CUL4B: variants seen among roughly 807,000 people sequenced by gnomAD.
The protein encoded by CUL4B is cullin-4B.
A neutral mutation model predicts 69.2 loss-of-function variants in CUL4B; 1 was observed. That is an observed-to-expected ratio of 0.01 (90% CI 0.01 to 0.07). The LOEUF (loss-of-function observed/expected upper bound fraction) is 0.07. CUL4B is among the 10% of genes least tolerant of loss of function. The probability of loss-of-function intolerance (pLI) is 1.00; values close to 1 mark genes in which losing one functional copy is unlikely to be tolerated. For missense variants in CUL4B, 328 were observed against 638.8 expected (o/e 0.51, Z 5.24); for synonymous variants, 237 against 223.2 (o/e 1.06, Z -0.55).
chrX:120,543,178 C>A, intron 8 of CUL4B, 145 bp from the exon 9 acceptor site: 1 of 439,965 alleles, frequency 2.3e-6, no homozygotes, highest in South Asian at 3.8e-5. Context: ...TATTGGTGCT[C>A]AGAGTTACTA....
At chrX:120,543,884 TG>T (rs1004456954) in intron 7 of CUL4B, 75 bp from the exon 8 acceptor site, 5 of 776,222 alleles carry the variant, frequency 6.4e-6, no homozygotes, top group Admixed American at 2.3e-5. Flanking sequence ...CAAAAGATCC[TG>T]GAAGTGGCCC....
chrX:120,573,967 GCGCGTGCCGTTA>G (rs1334289331), intron 2 of CUL4B, among the ~76,000 whole-genome samples: 1 of 110,724 alleles, frequency 9.0e-6, no homozygotes, highest in Non-Finnish European at 1.9e-5. Context: ...GGGATTACAG[GCGCGTGCCGTTA>G]CCACGCCCAG....
At chrX:120,571,129 GT>G (rs1295585227), downstream of CUL4B, 1 of 110,329 alleles carries the variant, frequency 9.1e-6, no homozygotes, top group Non-Finnish European at 1.9e-5. Context: ...GGGAATTTAG[GT>G]AAATTCAAAA....
chrX:120,539,918 A>C (rs1923889865), intron 11 of CUL4B, among the ~76,000 whole-genome samples: 1 of 111,791 alleles, frequency 8.9e-6, no homozygotes, highest in Admixed American at 9.5e-5. Flanking sequence ...CTCTGACACT[A>C]AGGGTACTTG....
intron 6 of CUL4B, 121 bp downstream of exon 6, chrX:120,544,360 T>C (rs920630904): frequency 1.0e-5 from 9 of 858,504 alleles, no homozygotes; most frequent in African/African-American, 8.0e-5. Flanking sequence ...TTTATGCTCA[T>C]ATATGAGATG....
Position 120,524,705 on chromosome X carries a change from G to A in CUL4B, c.*2056C>T, listed in dbSNP as rs1470674123. On this transcript the variant is annotated 3_prime_UTR_variant, in exon 20 of 20. Coordinates refer to ENST00000371322, the MANE Select transcript of CUL4B (RefSeq NM_001079872.2). The stretch of plus-strand genomic sequence containing the variant: ...ATTCAACTGATACAGAACAACAACT[G>A]AAAGTCACAATTATCCAATGTAGTT... The A allele has an allele frequency of 1.3e-4, 14 of 111,549 alleles. No individual in the cohort carries two copies. Among genetic ancestry groups the A allele is most frequent in the Non-Finnish European group, 2.1e-4 (11 of 52,988 alleles). The allele number at this position is 111,549 out of a possible 1,213,427, so 9.2% of individuals were successfully genotyped here.
At position 120,535,769 on chromosome X, in the gene CUL4B, A is replaced by G. The variant is rs909015099; in HGVS notation, c.2160+61T>C. ...CAATAGCCTAAACTTTCAGTTAAGA[A>G]GGATGACCTAAACATTAAAGATAAA... On this transcript the variant is annotated intron_variant, in intron 16 of 19. Transcript: ENST00000371322. 1.0e-5 allele frequency: 7 copies of G among 689,604 alleles called. No homozygotes were observed. In the African/African-American group the frequency reaches 1.3e-4, roughly 13 times the overall value. 56.8% of individuals were successfully genotyped at this position (689,604 alleles called of 1,213,427 possible).
chrX:120,538,144 T>C lies in CUL4B; in HGVS notation c.1918A>G (p.Ile640Val). 8.3e-7 allele frequency: 1 copy of C among 1,199,174 alleles called. No individual in the cohort carries two copies. The highest frequency in any genetic ancestry group is 1.8e-5 in the South Asian group (1 of 56,569). The change falls in exon 14 of 20, where the codon ATC (isoleucine) becomes GTC (valine). Residue 640 changes from isoleucine (I) to valine (V), a missense_variant. By Grantham distance (29) the Ile-to-Val change is conservative. Transcript: ENST00000371322. ...MFKDMELSKD[I>V]MIQFKQYMQN... ...TTTACCTGTTTGAACTGAATCATGATGTCTTTAGAAAGTTCCATGTCTTTA... is the reference window on the plus strand; with the variant it reads ...TTTACCTGTTTGAACTGAATCATGACGTCTTTAGAAAGTTCCATGTCTTTA...
chrX:120,567,700 G>A (rs757614423), downstream of CUL4B, among the ~76,000 whole-genome samples: 2 of 102,486 alleles, frequency 2.0e-5, no homozygotes, highest in African/African-American at 3.6e-5. Flanking sequence ...TCAACAAAGC[G>A]AGACCCTGTC....
rs1602591039 is a variant in CUL4B, at chrX:120,560,773, G to A, written c.-135C>T. On this transcript the variant is annotated 5_prime_UTR_variant, in exon 1 of 20. Coordinates refer to ENST00000371322, the MANE Select transcript of CUL4B (RefSeq NM_001079872.2). ...AGAGGAGAAACACAGAGGACGAGAA[G>A]GAAAGTGAAGGGGGGGGCTACACCG... is the stretch of plus-strand genomic sequence containing the variant. The A allele has an allele frequency of 2.8e-6, 2 of 726,978 alleles. No homozygotes were observed. Among genetic ancestry groups the A allele is most frequent in the East Asian group, 1.9e-4 (2 of 10,425 alleles). The allele number at this position is 726,978 out of a possible 1,213,427, so 59.9% of individuals were successfully genotyped here.
chrX:120,542,487 G>A (rs1924055606), intron 9 of CUL4B, among the ~76,000 whole-genome samples: 1 of 111,658 alleles, frequency 9.0e-6, no homozygotes, highest in South Asian at 3.7e-4. Context: ...AATTCACTTG[G>A]GATTAGAAGT....
At chrX:120,555,059 T>C (rs1924885029) in intron 2 of CUL4B, among the ~76,000 whole-genome samples, 1 of 112,226 alleles carries the variant, frequency 8.9e-6, no homozygotes, top group Non-Finnish European at 1.9e-5. Flanking sequence ...TAAGGTATTA[T>C]GAAAAATGCA....
chrX:120,560,729 G>A lies in CUL4B; in HGVS notation c.-91C>T. The A allele has an allele frequency of 1.8e-6, 2 of 1,113,613 alleles. No individual in the cohort carries two copies. Among genetic ancestry groups the A allele is most frequent in the Non-Finnish European group, 2.4e-6 (2 of 846,658 alleles). The allele number at this position is 1,113,613 out of a possible 1,213,427, so 91.8% of individuals were successfully genotyped here. Reference sequence around the variant, plus strand: ...AGGAGAGAAGGTAGCAATGCTAGAGGGGGAAGGGAAGAAAGAAGAGAGGAG... The same window carrying A: ...AGGAGAGAAGGTAGCAATGCTAGAGAGGGAAGGGAAGAAAGAAGAGAGGAG... On this transcript the variant is annotated 5_prime_UTR_variant, in exon 1 of 20. Transcript: ENST00000371322.
rs192075390 is a variant in CUL4B at position 120,552,059 on chromosome X, T to G, written c.673-4820A>C. On this transcript the variant is annotated intron_variant, in intron 2 of 19. Coordinates refer to ENST00000371322, the MANE Select transcript of CUL4B (RefSeq NM_001079872.2). ...TATGTATTTATTATTTATGTATTTT[T>G]ACATATTATGCATTGTTTTATTTAA... 7.2e-3 allele frequency among the ~76,000 whole-genome samples: 808 copies of G among 112,457 alleles called. 7 individuals carry two copies. Among genetic ancestry groups the G allele is most frequent in the African/African-American group, 0.024 (731 of 31,033 alleles).
upstream of CUL4B, among the ~76,000 whole-genome samples, chrX:120,566,367 A>ATATATG (rs1556253144): frequency 3.9e-4 from 22 of 57,138 alleles, no homozygotes; most frequent in African/African-American, 1.2e-3. Context: ...ATATATATAT[A>ATATATG]TATATATATA....
chrX:120,560,587 G>GAGCAGC lies in CUL4B; in HGVS notation c.46_51dup (p.Ala16_Ala17dup). Reference sequence around the variant, plus strand: ...CCATCAGTGGCAGATCTGACCTCCTGAGCAGCAGCAGCAGCTGAGGGACTG... The same window carrying GAGCAGC: ...CCATCAGTGGCAGATCTGACCTCCTGAGCAGCAGCAGCAGCAGCAGCTGAGGGACTG... On this transcript the variant is annotated inframe_insertion, in exon 1 of 20. Transcript: ENST00000371322. The GAGCAGC allele has an allele frequency of 8.3e-7, 1 of 1,208,485 alleles. No individual in the cohort carries two copies. Among genetic ancestry groups the GAGCAGC allele is most frequent in the Non-Finnish European group, 1.1e-6 (1 of 894,769 alleles).
At chrX:120,564,038 C>T (rs1925420637), upstream of CUL4B, among the ~76,000 whole-genome samples, 1 of 112,487 alleles carries the variant, frequency 8.9e-6, no homozygotes, top group Admixed American at 9.4e-5. Flanking sequence ...CGTGGTGGCT[C>T]ATGCCTGTAA....
At chrX:120,545,746 G>C (rs1924276787) in intron 4 of CUL4B, among the ~76,000 whole-genome samples, 2 of 107,937 alleles carry the variant, frequency 1.9e-5, no homozygotes, top group Admixed American at 1.0e-4. Context: ...ATGGCCCTCT[G>C]ATTTACTGCT....
In CUL4B at chrX:120,523,870, C is replaced by T. The variant is rs1922834863; in HGVS notation, c.*2891G>A. Among the ~76,000 whole-genome samples the T allele has an allele frequency of 9.0e-6, 1 of 111,272 alleles. No individual in the cohort carries two copies. The highest frequency in any genetic ancestry group is 1.9e-5 in the Non-Finnish European group (1 of 53,061). ...ATAATTATGCAAATTTTCATCAGTA[C>T]TGCTCTTTTCTTTTTAATGAACAAT... On this transcript the variant is annotated 3_prime_UTR_variant, in exon 20 of 20. Coordinates refer to ENST00000371322, the MANE Select transcript of CUL4B (RefSeq NM_001079872.2).
Sources: gnomAD v4.1 joint callset for allele counts (sites outside exome capture counted in the v4.1 genomes callset) on GRCh38, gnomAD v4.1.1 for gene constraint, MANE v1.5 for transcripts, NCBI Gene and HGNC (gene_info 2026-07-23, HGNC 2026-07-21) for gene names.